The following SEMA3A variants were observed in gnomAD, a reference collection of about 807,000 sequenced individuals.
SEMA3A encodes the protein semaphorin 3A, also known as semaphorin-3A.
Under a neutral mutation model 97.9 loss-of-function variants are expected in SEMA3A, and 29 were observed. That is an observed-to-expected ratio of 0.30 (90% confidence interval 0.22 to 0.40). The LOEUF (loss-of-function observed/expected upper bound fraction) is 0.40, where lower values mean the gene tolerates loss of function less well. Ranked by LOEUF, SEMA3A falls within the 10% of genes least tolerant of loss-of-function variation. SEMA3A has a pLI of 1.00. For synonymous variants in SEMA3A, 321 were observed against 323.7 expected (o/e 0.99, Z 0.09); for missense variants, 763 against 951.3 (o/e 0.80, Z 2.60).
chr7:84,424,930 T>TTTATATAAATATATATTTATAA (rs1804748681), intron 1 of SEMA3A, among the ~76,000 whole-genome samples: 3 of 100,014 alleles, frequency 3.0e-5, no homozygotes, highest in African/African-American at 8.3e-5. Flanking sequence ...TATATTTATA[T>TTTATATAAATATATATTTATAA]TTATATAAAT....
intron 2 of SEMA3A, among the ~76,000 whole-genome samples, chr7:84,370,776 G>A (rs2116100267): frequency 6.6e-6 from 1 of 151,308 alleles, no homozygotes; most frequent in East Asian, 1.9e-4. Context: ...GTTTCTTTAG[G>A]GACAAAAATA....
intron 3 of SEMA3A, among the ~76,000 whole-genome samples, chr7:84,267,488 G>C (rs1448292533): frequency 1.3e-5 from 2 of 152,010 alleles, no homozygotes; most frequent in African/African-American, 4.8e-5. Context: ...TACCAGCAAA[G>C]TATAAATATG....
At chr7:84,177,410 T>C (rs1007885604) in intron 1 of SEMA3A, among the ~76,000 whole-genome samples, 6 of 152,148 alleles carry the variant, frequency 3.9e-5, no homozygotes, top group Non-Finnish European at 8.8e-5. Flanking sequence ...CTGTCCATTA[T>C]TGTTAAACAA....
chr7:84,200,248 A>G (rs1267146438), intron 3 of SEMA3A, among the ~76,000 whole-genome samples: 2 of 152,160 alleles, frequency 1.3e-5, no homozygotes, highest in African/African-American at 4.8e-5. Context: ...GAACATAAAA[A>G]TATTCCTTGT....
intron 1 of SEMA3A, among the ~76,000 whole-genome samples, chr7:84,151,561 G>A (rs1455399177): frequency 3.3e-5 from 5 of 152,004 alleles, no homozygotes; most frequent in African/African-American, 1.2e-4. Context: ...AAAGAAATGA[G>A]CAAAGCCTCC....
intron 2 of SEMA3A, among the ~76,000 whole-genome samples, chr7:84,350,827 A>T (rs1802420196): frequency 6.6e-6 from 1 of 151,976 alleles, no homozygotes; most frequent in Non-Finnish European, 1.5e-5. Flanking sequence ...TTTATCTCTC[A>T]TTTATTATTT....
At chr7:84,358,355 G>A (rs1027358455) in intron 2 of SEMA3A, among the ~76,000 whole-genome samples, 1 of 152,090 alleles carries the variant, frequency 6.6e-6, no homozygotes, top group African/African-American at 2.4e-5. Flanking sequence ...TTCTACATAT[G>A]GCTAGCCAGT....
At chr7:83,962,898 C>T (rs1253250482) in intron 16 of SEMA3A, among the ~76,000 whole-genome samples, 2 of 151,770 alleles carry the variant, frequency 1.3e-5, no homozygotes, top group South Asian at 2.1e-4. Context: ...TATTTGTGCA[C>T]AAATATAAAT....
chr7:84,051,110 T>C lies in SEMA3A; in HGVS notation c.548-4667A>G, dbSNP rs1029403430. On this transcript the variant is annotated intron_variant, in intron 5 of 16. Transcript: ENST00000265362. ...CAGTACCATGCTGTTTTGGTTACTG[T>C]AGCCTTGTAGTATAGTTTGAAGTCA... is the stretch of plus-strand genomic sequence containing the variant. Among the ~76,000 whole-genome samples the C allele has an allele frequency of 2.0e-5, 3 of 150,646 alleles. No individual in the cohort carries two copies. In the East Asian group the frequency reaches 5.9e-4, roughly 30 times the overall value.
At chr7:84,428,139 C>T (rs1445943649) in intron 1 of SEMA3A, among the ~76,000 whole-genome samples, 2 of 152,088 alleles carry the variant, frequency 1.3e-5, no homozygotes, top group Admixed American at 6.6e-5. Flanking sequence ...AGAGAACTTT[C>T]ATTACAATAT....
intron 1 of SEMA3A, among the ~76,000 whole-genome samples, chr7:84,459,579 A>C (rs1805771754): frequency 6.6e-6 from 1 of 152,230 alleles, no homozygotes; most frequent in South Asian, 2.1e-4. Flanking sequence ...AATTGAAAGA[A>C]ATACAGGATC....
intron 1 of SEMA3A, among the ~76,000 whole-genome samples, chr7:84,158,959 C>G (rs1301320330): frequency 6.6e-6 from 1 of 151,922 alleles, no homozygotes; most frequent in African/African-American, 2.4e-5. Flanking sequence ...CACAGCTCAG[C>G]CCTAAATTAA....
At chr7:84,098,508 C>G (rs1222776176) in intron 4 of SEMA3A, among the ~76,000 whole-genome samples, 1 of 152,022 alleles carries the variant, frequency 6.6e-6, no homozygotes, top group African/African-American at 2.4e-5. Context: ...TATTCTAGCA[C>G]TAGTTTTATT....
At chr7:84,272,228 A>G (rs1800169814) in intron 3 of SEMA3A, among the ~76,000 whole-genome samples, 1 of 152,094 alleles carries the variant, frequency 6.6e-6, no homozygotes, top group African/African-American at 2.4e-5. Context: ...AATCTATGAA[A>G]AAAGAGCAAG....
At chr7:84,430,266 T>G (rs1171301247) in intron 1 of SEMA3A, among the ~76,000 whole-genome samples, 3 of 151,948 alleles carry the variant, frequency 2.0e-5, no homozygotes, top group Non-Finnish European at 4.4e-5. Flanking sequence ...AGAGAATAAT[T>G]AAAATGAAAT....
chr7:84,001,569 C>T (rs879581669), intron 12 of SEMA3A, among the ~76,000 whole-genome samples: 4 of 151,744 alleles, frequency 2.6e-5, no homozygotes, highest in Non-Finnish European at 2.9e-5. Flanking sequence ...TCTGTCATTC[C>T]GAATATATTT....
intron 6 of SEMA3A, among the ~76,000 whole-genome samples, chr7:84,024,029 AAT>A (rs1791443691): frequency 6.6e-6 from 1 of 150,910 alleles, no homozygotes; most frequent in Admixed American, 6.6e-5. Flanking sequence ...AAAAAAAAAA[AAT>A]TAGTTCACAG....
At chr7:84,403,338 G>A (rs1176495539) in intron 1 of SEMA3A, among the ~76,000 whole-genome samples, 2 of 152,226 alleles carry the variant, frequency 1.3e-5, no homozygotes, top group Non-Finnish European at 2.9e-5. Flanking sequence ...AGGTGGCAGC[G>A]AGGCTGGGGG....
intron 3 of SEMA3A, among the ~76,000 whole-genome samples, chr7:84,226,668 G>C (rs1798995979): frequency 1.3e-5 from 2 of 151,934 alleles, no homozygotes; most frequent in Non-Finnish European, 2.9e-5. Context: ...AAGCCAAAGA[G>C]CCAAATATTT....
Sources: gnomAD v4.1 joint callset for allele counts (sites outside exome capture counted in the v4.1 genomes callset) on GRCh38, gnomAD v4.1.1 for gene constraint, MANE v1.5 for transcripts, NCBI Gene and HGNC (gene_info 2026-07-23, HGNC 2026-07-21) for gene names.